The following MYO1E variants were observed in gnomAD, a reference collection of about 807,000 sequenced individuals.
MYO1E encodes unconventional myosin-Ie.
MYO1E carries 68 observed loss-of-function variants against 151.1 expected under a neutral mutation model. The ratio of observed to expected loss-of-function variants is 0.45; its 90% CI spans 0.37 to 0.55. The LOEUF (loss-of-function observed/expected upper bound fraction) is 0.55. MYO1E is among the 20% of genes least tolerant of loss of function. MYO1E has a pLI of 0.00. For missense variants in MYO1E, 1,363 were observed against 1,389.3 expected, an observed-to-expected ratio of 0.98 and a Z score of 0.30; for synonymous variants, 601 against 501.7, an observed-to-expected ratio of 1.20 and a Z score of -2.64.
chr15:59,252,372 C>G (rs1194396753), intron 4 of MYO1E, among the ~76,000 whole-genome samples: 1 of 152,086 alleles, frequency 6.6e-6, no homozygotes, highest in Non-Finnish European at 1.5e-5. Context: ...AACTTGAGGT[C>G]AGGAGTTCAA....
chr15:59,345,422 C>T (rs1350967887), intron 1 of MYO1E, among the ~76,000 whole-genome samples: 1 of 152,194 alleles, frequency 6.6e-6, no homozygotes, highest in Non-Finnish European at 1.5e-5. Context: ...TCTCCTGCCT[C>T]TGCCTCCTGA....
chr15:59,178,578 G>T, intron 18 of MYO1E, 41 bp from the exon 19 acceptor site: 1 of 1,606,112 alleles, frequency 6.2e-7, no homozygotes, highest in South Asian at 1.1e-5. Context: ...ACTTGGGCGG[G>T]ACCGCACTGG....
chr15:59,336,326 T>C (rs879662487), intron 1 of MYO1E, among the ~76,000 whole-genome samples: 1 of 151,160 alleles, frequency 6.6e-6, no homozygotes, highest in Non-Finnish European at 1.5e-5. Context: ...GCCGAGATCA[T>C]GCCACTGCAC....
intron 25 of MYO1E, among the ~76,000 whole-genome samples, chr15:59,154,383 T>G (rs747335575): frequency 2.6e-5 from 4 of 152,236 alleles, no homozygotes; most frequent in Admixed American, 6.5e-5. Flanking sequence ...GCAAGCTCTC[T>G]CAGCCAAACA....
chr15:59,303,655 ACAGC>A (rs1383273338), intron 1 of MYO1E, among the ~76,000 whole-genome samples: 1 of 152,260 alleles, frequency 6.6e-6, no homozygotes, highest in Non-Finnish European at 1.5e-5. Context: ...GCATAATCCC[ACAGC>A]GAGATGGTAT....
chr15:59,321,954 A>G (rs2080629011), intron 1 of MYO1E, among the ~76,000 whole-genome samples: 1 of 152,154 alleles, frequency 6.6e-6, no homozygotes, highest in African/African-American at 2.4e-5. Flanking sequence ...CAGGCAGACC[A>G]CCTGAGGTCA....
At chr15:59,233,735 G>A (rs2080043241) in intron 5 of MYO1E, among the ~76,000 whole-genome samples, 2 of 148,104 alleles carry the variant, frequency 1.4e-5, no homozygotes, top group Non-Finnish European at 3.0e-5. Context: ...ACCCTCTCAG[G>A]ATCCAGTACA....
intron 24 of MYO1E, among the ~76,000 whole-genome samples, chr15:59,160,236 TTATTC>T (rs1444210983): frequency 1.3e-5 from 2 of 152,106 alleles, no homozygotes; most frequent in Non-Finnish European, 2.9e-5. Flanking sequence ...GCATGTATGA[TTATTC>T]TATGCTGTGT....
rs1161721799 is a variant in MYO1E at position 59,269,852 on chromosome 15, C to CA, written c.147+2453dup. 4.1e-3 allele frequency among the ~76,000 whole-genome samples: 570 copies of CA among 138,240 alleles called. 5 individuals are homozygous for CA. Among genetic ancestry groups the CA allele is most frequent in the African/African-American group, 0.012 (454 of 37,652 alleles). 90.7% of individuals were successfully genotyped at this position (138,240 alleles called of 152,430 possible). On this transcript the variant is annotated intron_variant, in intron 2 of 27. Transcript: ENST00000288235. ...CTGGCGAGAGAGCAAGACTCCATCTCAAAAAAAAAAAAGGAAGCCCTGCAC... is the reference window on the plus strand; with the variant it reads ...CTGGCGAGAGAGCAAGACTCCATCTCAAAAAAAAAAAAAGGAAGCCCTGCAC...
intron 1 of MYO1E, among the ~76,000 whole-genome samples, chr15:59,364,024 C>T (rs2080899626): frequency 6.6e-6 from 1 of 152,152 alleles, no homozygotes; most frequent in African/African-American, 2.4e-5. Flanking sequence ...GTGATCTGCC[C>T]TCCTCGGCCT....
chr15:59,318,032 G>T (rs1251688221), intron 1 of MYO1E, among the ~76,000 whole-genome samples: 1 of 152,186 alleles, frequency 6.6e-6, no homozygotes, highest in Non-Finnish European at 1.5e-5. Context: ...GGGCAGAAGA[G>T]TTTAGATCTG....
In MYO1E at chr15:59,227,479, T is replaced by A; in HGVS notation, c.622A>T (p.Ser208Cys). 1 of 1,614,152 alleles carries A rather than the reference T, an allele frequency of 6.2e-7. No individual in the cohort carries two copies. Among genetic ancestry groups the A allele is most frequent in the East Asian group, 2.2e-5 (1 of 44,872 alleles). The change falls in exon 7 of 28, where the codon AGT (serine) becomes TGT (cysteine). Residue 208 changes from serine (S) to cysteine (C), a missense_variant. Physicochemically the swap from Ser to Cys is moderately radical, Grantham distance 112. Transcript: ENST00000288235. ...RVVMRNPGER[S>C]FHIFYQLIEG... ...AAAACCTGGTAAAATATGTGAAAAC[T>A]CCGCTCTCCTGGGTTCCTCATCACC...
intron 1 of MYO1E, among the ~76,000 whole-genome samples, chr15:59,335,849 T>C (rs144734840): frequency 9.4e-4 from 143 of 152,236 alleles, no homozygotes; most frequent in African/African-American, 3.2e-3. Flanking sequence ...TGTGTGGCCC[T>C]GATTCATGCG....
At chr15:59,358,547 C>T (rs2080867554) in intron 1 of MYO1E, among the ~76,000 whole-genome samples, 1 of 152,128 alleles carries the variant, frequency 6.6e-6, no homozygotes, top group Non-Finnish European at 1.5e-5. Context: ...AGCCCTAGTT[C>T]TAGATCATAG....
At chr15:59,313,783 T>C (rs892854278) in intron 1 of MYO1E, among the ~76,000 whole-genome samples, 5 of 152,208 alleles carry the variant, frequency 3.3e-5, no homozygotes, top group Non-Finnish European at 7.3e-5. Context: ...AAGTGAATTA[T>C]AGGGAGAGAG....
rs755457916 is a variant in MYO1E at position 59,137,257 on chromosome 15, G to A, written c.*123C>T. 69 of 889,474 alleles carry A rather than the reference G, an allele frequency of 7.8e-5. No homozygotes were observed. The highest frequency in any genetic ancestry group is 1.2e-4 in the Non-Finnish European group (66 of 541,650). 55.1% of individuals were successfully genotyped at this position (889,474 alleles called of 1,614,324 possible). A position where few individuals can be genotyped will look rare whatever the true frequency, so the allele number is the denominator to read the frequency against. On this transcript the variant is annotated 3_prime_UTR_variant, in exon 28 of 28. Coordinates refer to ENST00000288235, the MANE Select transcript of MYO1E (RefSeq NM_004998.4). ...AGTGTCCTCCATGGGGAAGGTACCA[G>A]AATAGCTCCAGGCCTTGGAGAAGCA...
intron 16 of MYO1E, among the ~76,000 whole-genome samples, chr15:59,201,586 T>C (rs1176860328): frequency 6.6e-6 from 1 of 152,088 alleles, no homozygotes; most frequent in Non-Finnish European, 1.5e-5. Flanking sequence ...GTATTTTTAG[T>C]AGAGACAGGG....
rs115417388 is a variant in MYO1E at position 59,350,097 on chromosome 15, C to T, written c.3+22401G>A. Among the ~76,000 whole-genome samples, 3,913 of 152,288 alleles carry T rather than the reference C, an allele frequency of 0.026. 122 individuals are homozygous for T. Among genetic ancestry groups the T allele is most frequent in the African/African-American group, 0.066 (2,726 of 41,548 alleles). On this transcript the variant is annotated intron_variant, in intron 1 of 27. Transcript: ENST00000288235. This position sits in a 1 kb window ranked among gnomAD's most constrained non-coding sequence, Gnocchi z 5.0. ...ATAATTTTCTTATTAATTGTCAATA[C>T]ATCACCACTTGAATGAAAAGAGAAT...
chr15:59,273,526 G>A (rs564282473), intron 1 of MYO1E, among the ~76,000 whole-genome samples: 1 of 152,330 alleles, frequency 6.6e-6, no homozygotes, highest in South Asian at 2.1e-4. Context: ...TTCCAGGAGT[G>A]GAGGTTAGGC....
Sources: allele counts gnomAD v4.1 joint callset (sites outside exome capture counted in the v4.1 genomes callset), GRCh38; gene constraint gnomAD v4.1.1; non-coding constraint Gnocchi (gnomAD v3.1); transcripts MANE v1.5; gene names NCBI Gene and HGNC (gene_info 2026-07-23, HGNC 2026-07-21).